Variants in RPUSD3 observed in about 807,000 individuals in gnomAD.
The protein encoded by RPUSD3 is mitochondrial mRNA pseudouridine synthase RPUSD3.
Under a neutral mutation model 35.1 loss-of-function variants are expected in RPUSD3, and 36 were observed. The ratio of observed to expected loss-of-function variants is 1.02; its 90% CI spans 0.79 to 1.35. The LOEUF (loss-of-function observed/expected upper bound fraction) is 1.35, where lower values mean the gene tolerates loss of function less well. Among genes scored for constraint, RPUSD3 ranks in the 40% most tolerant of loss-of-function variants. The pLI is 0.00. For missense variants in RPUSD3, 486 were observed against 441.9 expected, an observed-to-expected ratio of 1.10 and a Z score of -0.89; for synonymous variants, 202 against 187.8, an observed-to-expected ratio of 1.08 and a Z score of -0.62.
At chr3:9,841,350 G>A (rs541617625) in intron 4 of RPUSD3, 1 of 155,178 alleles carries the variant, frequency 6.4e-6, no homozygotes, top group African/African-American at 2.4e-5. Flanking sequence ...GTCTCATTCA[G>A]GTTGTTTAGG....
chr3:9,838,975 C>T, intron 8 of RPUSD3, 57 bp downstream of exon 8: 6 of 1,612,146 alleles, frequency 3.7e-6, no homozygotes, highest in Non-Finnish European at 5.1e-6. Flanking sequence ...GAGATGCTGC[C>T]CATGCTCACC....
chr3:9,840,047 A>AT, intron 7 of RPUSD3, 137 bp downstream of exon 7: 3 of 1,150,022 alleles, frequency 2.6e-6, no homozygotes, highest in Non-Finnish European at 3.6e-6. Flanking sequence ...TGCCCAGCTA[A>AT]TTTTTGTAGT....
chr3:9,841,950 T>TA (rs773204416), intron 4 of RPUSD3, 33 bp downstream of exon 4: 5 of 1,565,770 alleles, frequency 3.2e-6, no homozygotes, highest in Admixed American at 1.7e-5. Flanking sequence ...TGGATGCCTG[T>TA]ACTCCTAGCT....
chr3:9,840,006 G>A (rs560456577), intron 7 of RPUSD3, 178 bp downstream of exon 7: 56 of 638,566 alleles, frequency 8.8e-5, no homozygotes, highest in South Asian at 1.7e-4. Flanking sequence ...TCAGCCTCCC[G>A]AGTAGCTGGT....
chr3:9,843,703 G>A (rs768293349), intron 1 of RPUSD3, 102 bp from the exon 2 acceptor site: 1 of 1,549,572 alleles, frequency 6.5e-7, no homozygotes, highest in South Asian at 1.2e-5. Flanking sequence ...TCTGACAAAT[G>A]CCTCACAATG....
chr3:9,843,055 CTAATTTTTGTGTTTT>C (rs958080857), intron 2 of RPUSD3: 1 of 174,892 alleles, frequency 5.7e-6, no homozygotes, highest in African/African-American at 2.4e-5. Context: ...CCACACCTGG[CTAATTTTTGTGTTTT>C]TAGTAGAGAC....
chr3:9,843,587 G>A lies in RPUSD3; in HGVS notation c.140C>T (p.Pro47Leu), dbSNP rs745320949. The change falls in exon 2 of 9, where the codon CCC becomes CTC. Residue 47 changes from proline (P) to leucine (L), a missense_variant. Transcript: ENST00000383820. ...CCCCGACCGTTGGCAGGAGCCGCGG[G>A]GTTGCCTCTGATGCCTGGACAAGGA... 6.2e-7 allele frequency: 1 copy of A among 1,613,706 alleles called. No homozygotes were observed. Among genetic ancestry groups the A allele is most frequent in the Admixed American group, 1.7e-5 (1 of 59,996 alleles).
chr3:9,841,928 C>T (rs1464305081), intron 4 of RPUSD3, 55 bp downstream of exon 4: 1 of 1,433,958 alleles, frequency 7.0e-7, no homozygotes, highest in Non-Finnish European at 9.7e-7. Context: ...GCAGCTGTTT[C>T]CCCACCACAG....
exon 8 of RPUSD3, chr3:9,839,042 G>C: frequency 6.2e-7 from 1 of 1,614,154 alleles, no homozygotes; most frequent in East Asian, 2.2e-5. Flanking sequence ...CTGTCTTTGG[G>C]GCTTGTTGTT....
chr3:9,841,006 G>C (rs1019335705), intron 4 of RPUSD3: 11 of 410,224 alleles, frequency 2.7e-5, no homozygotes, highest in Non-Finnish European at 4.8e-5. Context: ...ATTTTGCCCC[G>C]GCCCCCAGGG....
exon 7 of RPUSD3, chr3:9,840,282 C>T (rs747433418): frequency 1.1e-5 from 18 of 1,613,916 alleles, no homozygotes; most frequent in Admixed American, 3.3e-5. Context: ...GATGTCCTTT[C>T]GGGATGGGGC....
chr3:9,842,133 C>CT, intron 3 of RPUSD3, 51 bp from the exon 4 acceptor site: 1 of 1,612,662 alleles, frequency 6.2e-7, no homozygotes, highest in East Asian at 2.2e-5. Context: ...CATGCCTTCA[C>CT]TTTTCCCTCC....
chr3:9,841,912 C>A (rs1196578326), intron 4 of RPUSD3, 71 bp downstream of exon 4: 1 of 1,251,606 alleles, frequency 8.0e-7, no homozygotes, highest in Non-Finnish European at 1.1e-6. Context: ...CTCAGCTTAT[C>A]CCCAAGCAGC....
At chr3:9,840,734 T>C (rs2082091313) in exon 5 of RPUSD3, 1 of 1,614,102 alleles carries the variant, frequency 6.2e-7, no homozygotes, top group African/African-American at 1.3e-5. Flanking sequence ...TCTCCGTGCA[T>C]GGGTGAAGTA....
chr3:9,843,795 C>A (rs920136335), intron 1 of RPUSD3, 95 bp downstream of exon 1: 71 of 1,549,186 alleles, frequency 4.6e-5, no homozygotes, highest in Non-Finnish European at 5.8e-5. Flanking sequence ...GCCAACGGGG[C>A]TGTTTTCGGG....
At chr3:9,841,621 AGCC>A (rs1219856694) in intron 4 of RPUSD3, 2 of 179,746 alleles carry the variant, frequency 1.1e-5, no homozygotes, top group South Asian at 1.3e-4. Context: ...TATAGGCATG[AGCC>A]ACCACGCGGA....
exon 5 of RPUSD3, chr3:9,840,804 C>G: frequency 5.0e-6 from 8 of 1,611,870 alleles, no homozygotes; most frequent in Non-Finnish European, 6.8e-6. Flanking sequence ...CCAGAGCTTT[C>G]TCTGGAATAA....
chr3:9,840,089 C>G, intron 7 of RPUSD3, 95 bp downstream of exon 7: 1 of 1,492,306 alleles, frequency 6.7e-7, no homozygotes. Context: ...ACCATCTTGG[C>G]CAGACTGGTC....
intron 7 of RPUSD3, chr3:9,839,870 G>C (rs941170052): frequency 4.5e-6 from 1 of 220,862 alleles, no homozygotes; most frequent in East Asian, 1.4e-4. Flanking sequence ...GAGCCACCGC[G>C]CCTGGCTCAA....
Sources: allele counts gnomAD v4.1 joint callset, GRCh38; gene constraint gnomAD v4.1.1; transcripts MANE v1.5; gene names NCBI Gene and HGNC (gene_info 2026-07-23, HGNC 2026-07-21).